The following PXYLP1 variants were observed in gnomAD, a reference collection of about 807,000 sequenced individuals.
The protein encoded by PXYLP1 is 2-phosphoxylose phosphatase 1.
PXYLP1 carries 17 observed loss-of-function variants against 37.9 expected under a neutral mutation model. The observed-to-expected ratio is 0.45, with a 90% CI of 0.31 to 0.67. PXYLP1 has a LOEUF of 0.67. Among genes scored for constraint, PXYLP1 ranks in the 30% least tolerant of loss-of-function variants. PXYLP1 has a pLI of 0.07. For synonymous variants in PXYLP1, 221 were observed against 232.2 expected (o/e 0.95, Z 0.44); for missense variants, 511 against 612.0 (o/e 0.84, Z 1.74).
chr3:141,243,388 G>C (rs1474312323), intron 1 of PXYLP1, among the ~76,000 whole-genome samples: 1 of 152,160 alleles, frequency 6.6e-6, no homozygotes, highest in African/African-American at 2.4e-5. Context: ...GAAACTTTCA[G>C]TGGCTCCCTA....
At chr3:141,262,030 AAAG>A (rs1414244502) in intron 2 of PXYLP1, 3 of 153,658 alleles carry the variant, frequency 2.0e-5, no homozygotes, top group East Asian at 3.9e-4. Context: ...TGAATGATGG[AAAG>A]AAGGGCAGGT....
At chr3:141,273,814 G>C (rs1050010028) in intron 2 of PXYLP1, 9 of 985,218 alleles carry the variant, frequency 9.1e-6, no homozygotes, top group Non-Finnish European at 1.1e-5. Context: ...TCACACCACA[G>C]AGAAATTGCA....
chr3:141,284,122 A>G (rs1942017196), intron 4 of PXYLP1, among the ~76,000 whole-genome samples: 1 of 152,140 alleles, frequency 6.6e-6, no homozygotes, highest in Non-Finnish European at 1.5e-5. Flanking sequence ...ACAGGGACTC[A>G]TGAATGCATT....
chr3:141,258,806 G>A (rs1319644314), intron 1 of PXYLP1: 4 of 152,408 alleles, frequency 2.6e-5, no homozygotes, highest in Non-Finnish European at 4.4e-5. Flanking sequence ...ATGCCAAATA[G>A]AGTTACAAAA....
intron 1 of PXYLP1, among the ~76,000 whole-genome samples, chr3:141,240,179 A>G (rs1022873361): frequency 6.6e-6 from 1 of 152,198 alleles, no homozygotes; most frequent in African/African-American, 2.4e-5. Flanking sequence ...AACACCAGCA[A>G]ACCAGATGTC....
Position 141,260,168 on chromosome 3 carries a change from A to G in PXYLP1, c.-8A>G, listed in dbSNP as rs970927634. On this transcript the variant is annotated 5_prime_UTR_variant, in exon 2 of 6. The change creates a new upstream start codon in the 5' untranslated region. Transcript: ENST00000286353. ...TGAAACCATGAAGAGAAAATAGAATACTTAATAATGCTTTTCCGCAACCGC... is the reference window on the plus strand; with the variant it reads ...TGAAACCATGAAGAGAAAATAGAATGCTTAATAATGCTTTTCCGCAACCGC... 1.9e-6 allele frequency: 3 copies of G among 1,613,992 alleles called. No homozygotes were observed. The East Asian group carries it at 6.7e-5, about 36-fold the overall frequency.
At chr3:141,282,483 A>AACACACATAC (rs1941976889) in intron 4 of PXYLP1, among the ~76,000 whole-genome samples, 1 of 147,524 alleles carries the variant, frequency 6.8e-6, no homozygotes, top group Admixed American at 6.7e-5. Flanking sequence ...AACCCAGACA[A>AACACACATAC]ACACACACAC....
chr3:141,252,882 C>T (rs1158189811), intron 1 of PXYLP1, among the ~76,000 whole-genome samples: 1 of 152,158 alleles, frequency 6.6e-6, no homozygotes, highest in Non-Finnish European at 1.5e-5. Flanking sequence ...CAAAATGTTC[C>T]AGGGGAGCCA....
chr3:141,248,510 TATACAC>T lies in PXYLP1; in HGVS notation c.-53-11611_-53-11606del, dbSNP rs747921344. On this transcript the variant is annotated intron_variant, in intron 1 of 5. Coordinates refer to ENST00000286353, the MANE Select transcript of PXYLP1 (RefSeq NM_001037172.3). ...GTGTGCGTGTGTGTATATATATATA[TATACAC>T]ACACACACACGTATATATATACACA... Among the ~76,000 whole-genome samples the T allele has an allele frequency of 3.8e-3, 528 of 140,570 alleles. 5 individuals are homozygous for T. Among genetic ancestry groups the T allele is most frequent in the Non-Finnish European group, 5.7e-3 (375 of 65,658 alleles). 92.2% of individuals were successfully genotyped at this position (140,570 alleles called of 152,430 possible).
rs1272994738 is a variant in PXYLP1, at chr3:141,257,377, C to A, written c.-53-2746C>A. On this transcript the variant is annotated intron_variant, in intron 1 of 5. Transcript: ENST00000286353. ...CCCAATGCATAAGTACTTTTCAAGT[C>A]CCTGCTTGTAACACATCTGCTATTG... 2.0e-5 allele frequency among the ~76,000 whole-genome samples: 3 copies of A among 152,164 alleles called. No homozygotes were observed. The East Asian group carries it at 5.8e-4, about 29-fold the overall frequency.
chr3:141,246,443 G>T (rs1386823593), intron 1 of PXYLP1, among the ~76,000 whole-genome samples: 1 of 152,156 alleles, frequency 6.6e-6, no homozygotes, highest in Non-Finnish European at 1.5e-5. Flanking sequence ...TGCTAAACAA[G>T]GCGGGTGAGT....
chr3:141,241,410 C>G (rs1052414751), intron 1 of PXYLP1, among the ~76,000 whole-genome samples: 4 of 150,688 alleles, frequency 2.7e-5, no homozygotes, highest in Non-Finnish European at 4.4e-5. Flanking sequence ...AGGAAGCTGA[C>G]ATGAGTCTGT....
chr3:141,276,244 A>T (rs537763197), intron 2 of PXYLP1, among the ~76,000 whole-genome samples: 3 of 152,120 alleles, frequency 2.0e-5, no homozygotes, highest in Non-Finnish European at 4.4e-5. Flanking sequence ...CTGTACGTAT[A>T]TGTGTGTGCG....
At chr3:141,241,595 T>C (rs1242935346) in intron 1 of PXYLP1, among the ~76,000 whole-genome samples, 1 of 151,386 alleles carries the variant, frequency 6.6e-6, no homozygotes, top group East Asian at 1.9e-4. Flanking sequence ...GCCAAGAGAG[T>C]GGAATGGGCA....
At chr3:141,274,258 G>A (rs1179382505) in intron 2 of PXYLP1, 3 of 1,276,080 alleles carry the variant, frequency 2.4e-6, no homozygotes, top group Non-Finnish European at 3.0e-6. Context: ...GAGGCGGCCT[G>A]CAGCCCGGGG....
chr3:141,272,950 T>C (rs1941702810), intron 2 of PXYLP1: 2 of 975,170 alleles, frequency 2.1e-6, no homozygotes, highest in African/African-American at 3.5e-5. Context: ...TTCAACCCAA[T>C]CAAGTGGACA....
chr3:141,277,432 G>A (rs1406346820), intron 2 of PXYLP1, among the ~76,000 whole-genome samples: 2 of 152,080 alleles, frequency 1.3e-5, no homozygotes, highest in African/African-American at 4.8e-5. Flanking sequence ...CCCTAGGCAC[G>A]GAGAGATTAG....
intron 2 of PXYLP1, among the ~76,000 whole-genome samples, chr3:141,277,807 GAGAC>G (rs1181672142): frequency 1.3e-5 from 2 of 152,212 alleles, no homozygotes; most frequent in African/African-American, 4.8e-5. Context: ...GAGTAAGCGT[GAGAC>G]AGGCTTTCAC....
chr3:141,262,467 G>A (rs1941413988), intron 2 of PXYLP1: 1 of 691,782 alleles, frequency 1.4e-6, no homozygotes, highest in Non-Finnish European at 2.1e-6. Flanking sequence ...TCTGAGACAT[G>A]AATGTGTGTT....
Sources: allele counts gnomAD v4.1 joint callset (sites outside exome capture counted in the v4.1 genomes callset), GRCh38; gene constraint gnomAD v4.1.1; transcripts MANE v1.5; gene names NCBI Gene and HGNC (gene_info 2026-07-23, HGNC 2026-07-21).